GABRR2: variants seen among roughly 807,000 people sequenced by gnomAD.
GABRR2 encodes gamma-aminobutyric acid receptor subunit rho-2.
A neutral mutation model predicts 47.0 loss-of-function variants in GABRR2; 36 were observed. The ratio of observed to expected loss-of-function variants is 0.77; its 90% confidence interval spans 0.59 to 1.01. The LOEUF (loss-of-function observed/expected upper bound fraction) is 1.01, where lower values mean the gene tolerates loss of function less well. GABRR2 is among the 50% of genes least tolerant of loss of function. The pLI, the probability that GABRR2 is intolerant of heterozygous loss-of-function variation, is 0.00. For synonymous variants in GABRR2, 204 were observed against 227.5 expected, an observed-to-expected ratio of 0.90 and a Z score of 0.93; for missense variants, 587 against 594.6, an observed-to-expected ratio of 0.99 and a Z score of 0.13.
chr6:89,311,868 G>T (rs578005045), intron 1 of GABRR2, among the ~76,000 whole-genome samples: 1 of 152,180 alleles, frequency 6.6e-6, no homozygotes, highest in Non-Finnish European at 1.5e-5. Flanking sequence ...GCTAGATGGC[G>T]GCAGAACCAA....
In GABRR2 at chr6:89,255,150, T is replaced by C; in HGVS notation, c.*2520A>G. ...TGGGAGAGTCTCTATAGATAAAAGG[T>C]TTCTGGCCGGGTGTGGTGGCTCACG... is the stretch of plus-strand genomic sequence containing the variant. On this transcript the variant is annotated 3_prime_UTR_variant, in exon 9 of 9. Transcript: ENST00000402938. Among the ~76,000 whole-genome samples the C allele has an allele frequency of 6.6e-6, 1 of 152,040 alleles. No homozygotes were observed. The highest frequency in any genetic ancestry group is 1.9e-4 in the East Asian group (1 of 5,174).
chr6:89,284,677 CT>C (rs1774304595), intron 2 of GABRR2, among the ~76,000 whole-genome samples: 1 of 152,218 alleles, frequency 6.6e-6, no homozygotes, highest in East Asian at 1.9e-4. Context: ...TGCCTAGAAC[CT>C]CCAGAAAGGA....
At chr6:89,267,540 T>C (rs1773927465) in intron 6 of GABRR2, 139 bp downstream of exon 6, 9 of 833,202 alleles carry the variant, frequency 1.1e-5, no homozygotes, top group Non-Finnish European at 1.3e-5. Flanking sequence ...ACACTCCAGC[T>C]TGGGAGACAG....
At chr6:89,303,573 A>T (rs2127848702) in intron 1 of GABRR2, among the ~76,000 whole-genome samples, 1 of 151,996 alleles carries the variant, frequency 6.6e-6, no homozygotes, top group Non-Finnish European at 1.5e-5. Context: ...TTCTTCACAG[A>T]ACTAGGAAAA....
Position 89,269,098 on chromosome 6 carries a change from TG to T in GABRR2, c.424del (p.His142ThrfsTer17). On this transcript the variant is annotated frameshift_variant, in exon 4 of 9. Coordinates refer to ENST00000402938, the MANE Select transcript of GABRR2 (RefSeq NM_002043.5). LOFTEE classifies it high-confidence loss of function. ...GTCATGAGTGAACGATCTTTTGGAG[TG>T]AACAAAGAAGACATCAGGGACCCAG... is the stretch of plus-strand genomic sequence containing the variant. ...KIWVPDVFFV[H>X]SKRSFTHDTT... is the part of the protein sequence containing the mutation. 1 of 1,613,798 alleles carries T rather than the reference TG, an allele frequency of 6.2e-7. No individual in the cohort carries two copies. The highest frequency in any genetic ancestry group is 8.5e-7 in the Non-Finnish European group (1 of 1,179,830).
chr6:89,298,882 G>A (rs1774600222), intron 2 of GABRR2, among the ~76,000 whole-genome samples: 1 of 152,128 alleles, frequency 6.6e-6, no homozygotes, highest in Non-Finnish European at 1.5e-5. Flanking sequence ...TAGAAAAGAG[G>A]CCCTAGAGAG....
At chr6:89,310,247 C>T (rs1767657445) in intron 1 of GABRR2, among the ~76,000 whole-genome samples, 1 of 152,266 alleles carries the variant, frequency 6.6e-6, no homozygotes, top group South Asian at 2.1e-4. Flanking sequence ...GCTGCTGGCA[C>T]CGCCTCACTC....
intron 8 of GABRR2, among the ~76,000 whole-genome samples, chr6:89,262,883 T>C (rs1773781161): frequency 6.6e-6 from 1 of 152,220 alleles, no homozygotes; most frequent in African/African-American, 2.4e-5. Context: ...TATTTAGTAT[T>C]AGGTTGGTGC....
At chr6:89,279,682 T>TA (rs199765709) in intron 2 of GABRR2, among the ~76,000 whole-genome samples, 28,321 of 129,742 alleles carry the variant, frequency 0.22, 3,268 homozygotes, top group African/African-American at 0.37. Flanking sequence ...CAAAAAAAGT[T>TA]AAAAAAAAAA....
chr6:89,290,005 T>C (rs1364219010), intron 2 of GABRR2, among the ~76,000 whole-genome samples: 3 of 152,162 alleles, frequency 2.0e-5, no homozygotes, highest in African/African-American at 7.2e-5. Flanking sequence ...TGATCCAGTC[T>C]CTTGAGAGTG....
chr6:89,306,313 G>T (rs916283740), intron 1 of GABRR2, among the ~76,000 whole-genome samples: 2 of 151,892 alleles, frequency 1.3e-5, no homozygotes, highest in South Asian at 4.1e-4. Context: ...GGAGGTTGAG[G>T]TTGCAGTGAG....
chr6:89,301,895 G>T, intron 1 of GABRR2: 1 of 1,131,974 alleles, frequency 8.8e-7, no homozygotes, highest in Non-Finnish European at 1.3e-6. Flanking sequence ...AACTACGTGG[G>T]GAACTCGGAC....
At chr6:89,258,694 C>T (rs1468684134) in intron 8 of GABRR2, among the ~76,000 whole-genome samples, 1 of 150,160 alleles carries the variant, frequency 6.7e-6, no homozygotes, top group African/African-American at 2.5e-5. Context: ...GCATTCCAGC[C>T]TGGGTGACAG....
At chr6:89,269,589 C>A (rs953820676) in intron 3 of GABRR2, among the ~76,000 whole-genome samples, 1 of 152,238 alleles carries the variant, frequency 6.6e-6, no homozygotes, top group African/African-American at 2.4e-5. Context: ...TACCCATTGG[C>A]TAACCATTCC....
At position 89,292,115 on chromosome 6, in the gene GABRR2, T is replaced by C. The variant is rs555975928; in HGVS notation, c.220+7644A>G. Among the ~76,000 whole-genome samples, 72 of 152,214 alleles carry C rather than the reference T, an allele frequency of 4.7e-4. 1 individual carries two copies. The highest frequency in any genetic ancestry group is 4.2e-3 in the Admixed American group (64 of 15,284). ...GCTCAAAAAATACATATGTGTCTTA[T>C]GAAAAAAATCATTTTGGTTGGAGAA... On this transcript the variant is annotated intron_variant, in intron 2 of 8. Coordinates refer to ENST00000402938, the MANE Select transcript of GABRR2 (RefSeq NM_002043.5).
chr6:89,312,085 G>A (rs549705492), intron 1 of GABRR2, among the ~76,000 whole-genome samples: 3 of 152,324 alleles, frequency 2.0e-5, no homozygotes, highest in South Asian at 2.1e-4. Context: ...GGGGCTCCAC[G>A]TTGAGACCTG....
chr6:89,265,596 T>G lies in GABRR2; in HGVS notation c.889+17A>C. The G allele has an allele frequency of 6.2e-7, 1 of 1,605,558 alleles. No individual in the cohort carries two copies. The highest frequency in any genetic ancestry group is 1.1e-5 in the South Asian group (1 of 89,388). ...AAAAAAATAACCACCCTACCACACCTTATGAAATGCTTTTACCCAGTGAAA... is the reference window on the plus strand; with the variant it reads ...AAAAAAATAACCACCCTACCACACCGTATGAAATGCTTTTACCCAGTGAAA... On this transcript the variant is annotated intron_variant, in intron 7 of 8. Coordinates refer to ENST00000402938, the MANE Select transcript of GABRR2 (RefSeq NM_002043.5).
At chr6:89,306,642 C>CA (rs1767563775) in intron 1 of GABRR2, among the ~76,000 whole-genome samples, 1 of 152,180 alleles carries the variant, frequency 6.6e-6, no homozygotes, top group Non-Finnish European at 1.5e-5. Flanking sequence ...TCCTCTAAAC[C>CA]AGGTGACGGC....
At chr6:89,264,164 T>C (rs1025518908) in intron 8 of GABRR2, among the ~76,000 whole-genome samples, 3 of 152,158 alleles carry the variant, frequency 2.0e-5, no homozygotes, top group Non-Finnish European at 4.4e-5. Flanking sequence ...AAACTGAGGC[T>C]CAGCATAGGT....
Sources: gnomAD v4.1 joint callset for allele counts (sites outside exome capture counted in the v4.1 genomes callset) on GRCh38, gnomAD v4.1.1 for gene constraint, MANE v1.5 for transcripts, NCBI Gene and HGNC (gene_info 2026-07-23, HGNC 2026-07-21) for gene names.